GHR: variants seen among roughly 807,000 people sequenced by gnomAD.
GHR encodes the protein GH receptor.
Under a neutral mutation model 67.1 loss-of-function variants are expected in GHR, and 35 were observed. That is an observed-to-expected ratio of 0.52 (90% CI 0.40 to 0.69). The LOEUF is 0.69. GHR is among the 30% of genes least tolerant of loss of function. The pLI is 0.00. For missense variants in GHR, 792 were observed against 764.6 expected, an observed-to-expected ratio of 1.04 and a Z score of -0.42; for synonymous variants, 272 against 269.1, an observed-to-expected ratio of 1.01 and a Z score of -0.10.
intron 2 of GHR, among the ~76,000 whole-genome samples, chr5:42,608,209 C>A (rs1354223013): frequency 1.3e-5 from 2 of 152,116 alleles, no homozygotes; most frequent in Non-Finnish European, 2.9e-5. Flanking sequence ...TCTTCTTAAA[C>A]AATAAAACAA....
chr5:42,573,073 C>T (rs148112218), intron 2 of GHR, among the ~76,000 whole-genome samples: 163 of 152,288 alleles, frequency 1.1e-3, no homozygotes, highest in African/African-American at 3.6e-3. Flanking sequence ...ACTTATTAGA[C>T]GTTAAAATCC....
intron 1 of GHR, among the ~76,000 whole-genome samples, chr5:42,428,883 T>C (rs571286382): frequency 2.3e-4 from 35 of 152,330 alleles, no homozygotes; most frequent in African/African-American, 8.2e-4. Context: ...TCTTCCTGTT[T>C]TCTGAGCCCT....
chr5:42,614,790 T>G (rs559761499), intron 2 of GHR, among the ~76,000 whole-genome samples: 3 of 152,002 alleles, frequency 2.0e-5, no homozygotes, highest in African/African-American at 7.2e-5. Flanking sequence ...ATCTTTTTAC[T>G]CTGTTGGCTC....
At chr5:42,559,635 C>T (rs557330302) in intron 1 of GHR, among the ~76,000 whole-genome samples, 243 of 152,260 alleles carry the variant, frequency 1.6e-3, no homozygotes, top group African/African-American at 5.4e-3. Context: ...AGTCTTTTCC[C>T]CCCTCACACG....
chr5:42,699,891 A>G lies in GHR; in HGVS notation c.507A>G (p.Ala169=). 5 of 1,605,992 alleles carry G rather than the reference A, an allele frequency of 3.1e-6. No individual in the cohort carries two copies. The highest frequency in any genetic ancestry group is 1.1e-5 in the South Asian group (1 of 90,942). ...ACGTCAGTTTAACTGGGATTCATGCAGATATCCAAGTGAGATGGGAAGCAC... is the reference window on the plus strand; with the variant it reads ...ACGTCAGTTTAACTGGGATTCATGCGGATATCCAAGTGAGATGGGAAGCAC... ...LLNVSLTGIH[A]DIQVRWEAPR... The change falls in exon 6 of 10, where the codon GCA becomes GCG. Residue 169 remains alanine, a synonymous_variant. Coordinates refer to ENST00000230882, the MANE Select transcript of GHR (RefSeq NM_000163.5).
intron 3 of GHR, among the ~76,000 whole-genome samples, chr5:42,644,292 A>G (rs980111287): frequency 6.6e-6 from 1 of 152,178 alleles, no homozygotes; most frequent in Non-Finnish European, 1.5e-5. Context: ...CCCATGATGT[A>G]TTCTTTCCAT....
At chr5:42,706,049 A>C (rs1758160690) in intron 6 of GHR, among the ~76,000 whole-genome samples, 1 of 152,106 alleles carries the variant, frequency 6.6e-6, no homozygotes, top group East Asian at 1.9e-4. Flanking sequence ...CAACCTCACC[A>C]GCATCTGTTA....
intron 3 of GHR, among the ~76,000 whole-genome samples, chr5:42,673,327 C>T (rs1407380492): frequency 6.6e-6 from 1 of 152,170 alleles, no homozygotes; most frequent in Non-Finnish European, 1.5e-5. Flanking sequence ...TAAGTTAGTT[C>T]AGCCACTGTG....
intron 1 of GHR, chr5:42,565,362 T>A (rs1355786462): frequency 1.5e-6 from 1 of 665,514 alleles, no homozygotes; most frequent in Admixed American, 6.3e-5. Context: ...GATGGCTCAT[T>A]AGCAACTCGT....
chr5:42,649,871 G>C, intron 3 of GHR, among the ~76,000 whole-genome samples: 1 of 152,148 alleles, frequency 6.6e-6, no homozygotes, highest in East Asian at 1.9e-4. Flanking sequence ...TAGAAAACAA[G>C]GTGACAGGTT....
chr5:42,521,506 G>C (rs1481274872), intron 1 of GHR, among the ~76,000 whole-genome samples: 1 of 152,146 alleles, frequency 6.6e-6, no homozygotes, highest in Non-Finnish European at 1.5e-5. Flanking sequence ...TTAGAATTTA[G>C]TTTCGGATTT....
chr5:42,454,915 C>G (rs565466909), intron 1 of GHR, among the ~76,000 whole-genome samples: 6 of 152,122 alleles, frequency 3.9e-5, no homozygotes, highest in Non-Finnish European at 7.3e-5. Context: ...CATGCCCCCT[C>G]AAAATTATCA....
intron 1 of GHR, among the ~76,000 whole-genome samples, chr5:42,478,928 A>G (rs1360942594): frequency 2.6e-5 from 4 of 152,164 alleles, no homozygotes. Flanking sequence ...TATGTTGAAT[A>G]GGAGTGGTGA....
chr5:42,555,569 G>A (rs1291664072), intron 1 of GHR, among the ~76,000 whole-genome samples: 1 of 152,140 alleles, frequency 6.6e-6, no homozygotes, highest in Non-Finnish European at 1.5e-5. Context: ...CTGTCTGTGT[G>A]AGCTTGGGAG....
At chr5:42,651,722 T>C (rs891849435) in intron 3 of GHR, among the ~76,000 whole-genome samples, 3 of 152,154 alleles carry the variant, frequency 2.0e-5, no homozygotes, top group Admixed American at 6.6e-5. Flanking sequence ...AGAAAGCTGA[T>C]TTTATTTGGT....
chr5:42,424,374 G>C lies in GHR; in HGVS notation c.-12+419G>C, dbSNP rs1439123589. 1 of 595,348 alleles carries C rather than the reference G, an allele frequency of 1.7e-6. No individual in the cohort carries two copies. Among genetic ancestry groups the C allele is most frequent in the Non-Finnish European group, 3.0e-6 (1 of 333,634 alleles). The allele number at this position is 595,348 out of a possible 1,614,324, so 36.9% of individuals were successfully genotyped here. ...AAGTTTTGCTAGTGTGTTTCTGTTTGCCATCATCTGCCTGGCTGCGGCAGG... is the reference window on the plus strand; with the variant it reads ...AAGTTTTGCTAGTGTGTTTCTGTTTCCCATCATCTGCCTGGCTGCGGCAGG... On this transcript the variant is annotated intron_variant, in intron 1 of 9. Coordinates refer to ENST00000230882, the MANE Select transcript of GHR (RefSeq NM_000163.5). The surrounding 1 kb of genome is among the most constrained non-coding windows in gnomAD (Gnocchi z 4.1).
chr5:42,424,386 C>G lies in GHR; in HGVS notation c.-12+431C>G. On this transcript the variant is annotated intron_variant, in intron 1 of 9. Transcript: ENST00000230882. The surrounding 1 kb of genome is among the most constrained non-coding windows in gnomAD (Gnocchi z 4.1). ...TGTGTTTCTGTTTGCCATCATCTGC[C>G]TGGCTGCGGCAGGAACTGCCGAGGC... The G allele has an allele frequency of 3.3e-6, 2 of 597,752 alleles. No homozygotes were observed. Among genetic ancestry groups the G allele is most frequent in the Admixed American group, 5.9e-5 (2 of 34,150 alleles). The allele number at this position is 597,752 out of a possible 1,614,324, so 37.0% of individuals were successfully genotyped here.
At chr5:42,447,496 T>C (rs191175372) in intron 1 of GHR, among the ~76,000 whole-genome samples, 1 of 152,170 alleles carries the variant, frequency 6.6e-6, no homozygotes, top group Non-Finnish European at 1.5e-5. Context: ...ATGGTATATA[T>C]ATATCACATT....
At chr5:42,540,220 T>TCTCTC (rs1748445437) in intron 1 of GHR, among the ~76,000 whole-genome samples, 1 of 150,660 alleles carries the variant, frequency 6.6e-6, no homozygotes, top group South Asian at 2.1e-4. Flanking sequence ...TCTCTCTCTC[T>TCTCTC]GTATCTCTCT....
Sources: allele counts gnomAD v4.1 joint callset (sites outside exome capture counted in the v4.1 genomes callset), GRCh38; gene constraint gnomAD v4.1.1; non-coding constraint Gnocchi (gnomAD v3.1); transcripts MANE v1.5; gene names NCBI Gene and HGNC (gene_info 2026-07-23, HGNC 2026-07-21).